CACNA2D3: variants seen among roughly 807,000 people sequenced by gnomAD.
CACNA2D3 encodes voltage-dependent calcium channel subunit alpha-2/delta-3.
CACNA2D3 carries 60 observed loss-of-function variants against 160.6 expected under a neutral mutation model. The ratio of observed to expected loss-of-function variants is 0.37; its 90% confidence interval spans 0.30 to 0.46. The LOEUF is 0.46. Ranked by LOEUF, CACNA2D3 falls within the 20% of genes least tolerant of loss-of-function variation. CACNA2D3 has a pLI of 1.00. For synonymous variants in CACNA2D3, 558 were observed against 492.9 expected (o/e 1.13, Z -1.75); for missense variants, 1,205 against 1,365.0 (o/e 0.88, Z 1.85).
At chr3:54,321,961 A>G (rs1401053050) in intron 3 of CACNA2D3, among the ~76,000 whole-genome samples, 3 of 151,586 alleles carry the variant, frequency 2.0e-5, no homozygotes, top group African/African-American at 7.3e-5. Flanking sequence ...AGCATTGTCA[A>G]TTTGAGAGGG....
intron 5 of CACNA2D3, among the ~76,000 whole-genome samples, chr3:54,548,535 G>C (rs981302830): frequency 3.3e-5 from 5 of 152,116 alleles, no homozygotes; most frequent in Admixed American, 2.6e-4. Context: ...AACAAATTAA[G>C]GGGCAGATGC....
chr3:54,716,665 A>G (rs569144116), intron 11 of CACNA2D3, among the ~76,000 whole-genome samples: 194 of 152,308 alleles, frequency 1.3e-3, no homozygotes, highest in Non-Finnish European at 2.3e-3. Flanking sequence ...CTGTCGAGAC[A>G]TGAGAAGTTC....
chr3:54,688,413 T>C (rs541571753), intron 11 of CACNA2D3, among the ~76,000 whole-genome samples: 3 of 151,984 alleles, frequency 2.0e-5, no homozygotes, highest in South Asian at 2.1e-4. Flanking sequence ...ATGAATGTTA[T>C]GAAGGACAGG....
chr3:54,658,130 C>A (rs1477090974), intron 11 of CACNA2D3, among the ~76,000 whole-genome samples: 3 of 152,222 alleles, frequency 2.0e-5, no homozygotes, highest in Non-Finnish European at 2.9e-5. Flanking sequence ...GTGAATAGTG[C>A]TGCAGTGAAC....
chr3:54,187,652 G>T (rs1161666762), intron 2 of CACNA2D3, among the ~76,000 whole-genome samples: 1 of 152,180 alleles, frequency 6.6e-6, no homozygotes, highest in Admixed American at 6.5e-5. Context: ...GACCAGTGTT[G>T]TGGAAGACAA....
At chr3:54,886,935 C>CTTTTTGTTT (rs1699939750) in intron 23 of CACNA2D3, among the ~76,000 whole-genome samples, 1 of 107,748 alleles carries the variant, frequency 9.3e-6, no homozygotes, top group Non-Finnish European at 1.7e-5. Context: ...CAGCAAAGCT[C>CTTTTTGTTT]TTTTTTTTTT....
chr3:54,857,342 T>G (rs1699194589), intron 17 of CACNA2D3, among the ~76,000 whole-genome samples: 1 of 152,222 alleles, frequency 6.6e-6, no homozygotes, highest in African/African-American at 2.4e-5. Flanking sequence ...TGACCATTCC[T>G]GTATGTGTAG....
chr3:54,619,675 TTC>T (rs1423533203), intron 9 of CACNA2D3, among the ~76,000 whole-genome samples: 4 of 152,220 alleles, frequency 2.6e-5, no homozygotes, highest in Non-Finnish European at 5.9e-5. Flanking sequence ...TCTTCAGCCA[TTC>T]TGTTTTCTTC....
chr3:55,016,738 C>A (rs358028), intron 34 of CACNA2D3, among the ~76,000 whole-genome samples: 84,012 of 152,086 alleles, frequency 0.55, 24,920 homozygotes, highest in African/African-American at 0.77. Flanking sequence ...GAGCTGATGA[C>A]GAGTCTACTT....
intron 2 of CACNA2D3, among the ~76,000 whole-genome samples, chr3:54,146,802 C>T (rs1157922222): frequency 2.0e-5 from 3 of 152,230 alleles, no homozygotes; most frequent in African/African-American, 4.8e-5. Context: ...CTGTTTCCCG[C>T]CTGCGATTGC....
chr3:54,180,712 AC>A (rs1700767379), intron 2 of CACNA2D3, among the ~76,000 whole-genome samples: 1 of 152,152 alleles, frequency 6.6e-6, no homozygotes, highest in Non-Finnish European at 1.5e-5. Flanking sequence ...TCTTCTAAGC[AC>A]CATACCTGTC....
intron 27 of CACNA2D3, among the ~76,000 whole-genome samples, chr3:54,904,771 A>G (rs561663072): frequency 6.6e-6 from 1 of 152,218 alleles, no homozygotes; most frequent in Non-Finnish European, 1.5e-5. Context: ...TTATGTAGGT[A>G]CATATTTATT....
chr3:55,063,116 T>G (rs1326234726), intron 35 of CACNA2D3, among the ~76,000 whole-genome samples: 7 of 152,186 alleles, frequency 4.6e-5, no homozygotes, highest in African/African-American at 1.7e-4. Flanking sequence ...ATTTAATAAG[T>G]CTTTTATAAC....
intron 11 of CACNA2D3, among the ~76,000 whole-genome samples, chr3:54,728,963 A>G (rs1405547602): frequency 6.6e-6 from 1 of 152,160 alleles, no homozygotes. Context: ...GTCATTATCA[A>G]ATACATTAGG....
At chr3:54,973,438 G>A (rs528930881) in intron 29 of CACNA2D3, among the ~76,000 whole-genome samples, 5 of 152,284 alleles carry the variant, frequency 3.3e-5, no homozygotes, top group African/African-American at 4.8e-5. Flanking sequence ...GAGGTGTGAC[G>A]GCAGCGAGAG....
At chr3:54,819,520 G>C (rs183393168) in intron 14 of CACNA2D3, among the ~76,000 whole-genome samples, 1 of 152,138 alleles carries the variant, frequency 6.6e-6, no homozygotes, top group Admixed American at 6.6e-5. Context: ...AAAGAGCCCA[G>C]CAGGTATGGG....
At chr3:54,410,247 A>T in intron 4 of CACNA2D3, among the ~76,000 whole-genome samples, 1 of 152,092 alleles carries the variant, frequency 6.6e-6, no homozygotes, top group South Asian at 2.1e-4. Flanking sequence ...CCAGCTACTC[A>T]GGAGGCTGAG....
rs115932074 is a variant in CACNA2D3 at position 54,156,541 on chromosome 3, C to T, written c.204+32947C>T. On this transcript the variant is annotated intron_variant, in intron 2 of 37. Coordinates refer to ENST00000474759, the MANE Select transcript of CACNA2D3 (RefSeq NM_018398.3). ...TTGAGTCCCTGGGAGCCAGACTCCA[C>T]GATGGCCCCCATTCCCTCCCGGTCT... Among the ~76,000 whole-genome samples, 1,396 of 152,332 alleles carry T rather than the reference C, an allele frequency of 9.2e-3. 14 individuals are homozygous for T. Among genetic ancestry groups the T allele is most frequent in the Middle Eastern group, 0.024 (7 of 294 alleles).
At chr3:54,273,113 G>C (rs530360926) in intron 2 of CACNA2D3, 3 of 152,390 alleles carry the variant, frequency 2.0e-5, no homozygotes, top group South Asian at 4.1e-4. Context: ...TGCGTCACTG[G>C]AGAAGGGAAG....
Sources: gnomAD v4.1 joint callset for allele counts (sites outside exome capture counted in the v4.1 genomes callset) on GRCh38, gnomAD v4.1.1 for gene constraint, MANE v1.5 for transcripts, NCBI Gene and HGNC (gene_info 2026-07-23, HGNC 2026-07-21) for gene names.